ABCB10: variants seen among roughly 807,000 people sequenced by gnomAD.
ABCB10 encodes the protein ATP-binding cassette sub-family B member 10, mitochondrial.
Under a neutral mutation model 65.4 loss-of-function variants are expected in ABCB10, and 54 were observed. That is an observed-to-expected ratio of 0.83 (90% CI 0.66 to 1.04). ABCB10 has a LOEUF of 1.04. Among genes scored for constraint, ABCB10 ranks in the 50% least tolerant of loss-of-function variants. The pLI, the probability that ABCB10 is intolerant of heterozygous loss-of-function variation, is 0.00. For missense variants in ABCB10, 846 were observed against 976.6 expected (o/e 0.87, Z 1.78); for synonymous variants, 418 against 406.5 (o/e 1.03, Z -0.34).
At chr1:229,543,847 G>A (rs1016223571) in intron 3 of ABCB10, among the ~76,000 whole-genome samples, 1 of 152,152 alleles carries the variant, frequency 6.6e-6, no homozygotes, top group African/African-American at 2.4e-5. Flanking sequence ...CAGGACACCT[G>A]GGGTGAGTCT....
Position 229,547,681 on chromosome 1 carries a change from G to C in ABCB10, c.739C>G (p.Leu247Val). 6.2e-7 allele frequency: 1 copy of C among 1,614,172 alleles called. No homozygotes were observed. Among genetic ancestry groups the C allele is most frequent in the Non-Finnish European group, 8.5e-7 (1 of 1,180,022 alleles). Residue 247 changes from leucine to valine, a missense_variant, in exon 3 of 13, where the codon CTG becomes GTG. This residue lies in a region of ABCB10 where 632 missense variants were observed against 803.2 expected (regional missense o/e 0.79). Transcript: ENST00000344517. ...ATGGAGGAGAATAATGAAGTTCTCA[G>C]CCTATTCACAATGCGCTGACCTGCA... ...QTSGQRIVNR[L>V]RTSLFSSILR...
intron 1 of ABCB10, among the ~76,000 whole-genome samples, chr1:229,551,345 T>C (rs775024002): frequency 2.0e-5 from 3 of 152,196 alleles, no homozygotes; most frequent in Non-Finnish European, 4.4e-5. Context: ...CTCCTACCTT[T>C]CAGCATTCTA....
chr1:229,544,379 TG>T (rs1297317187), intron 3 of ABCB10, among the ~76,000 whole-genome samples: 2 of 128,294 alleles, frequency 1.6e-5, no homozygotes, highest in African/African-American at 6.1e-5. Flanking sequence ...ATGACACCAC[TG>T]CACTACAGCC....
intron 4 of ABCB10, among the ~76,000 whole-genome samples, chr1:229,541,362 G>A (rs775798279): frequency 1.3e-5 from 2 of 152,194 alleles, no homozygotes; most frequent in Non-Finnish European, 2.9e-5. Flanking sequence ...AAGTAGCTGG[G>A]ATTACAGGCA....
At chr1:229,551,148 C>T (rs1181166756) in intron 1 of ABCB10, among the ~76,000 whole-genome samples, 2 of 152,132 alleles carry the variant, frequency 1.3e-5, no homozygotes, top group African/African-American at 2.4e-5. Context: ...GACATTTAGT[C>T]GACAAACAGA....
chr1:229,525,897 G>T (rs372082965), intron 10 of ABCB10, 39 bp downstream of exon 10: 1 of 1,569,654 alleles, frequency 6.4e-7, no homozygotes, highest in Non-Finnish European at 8.6e-7. Context: ...AAGTTCTTTG[G>T]ATATAGAGAC....
chr1:229,533,150 ATTTTT>A (rs902240097), intron 6 of ABCB10, among the ~76,000 whole-genome samples: 1 of 150,466 alleles, frequency 6.6e-6, no homozygotes, highest in Non-Finnish European at 1.5e-5. Context: ...CATTATTATT[ATTTTT>A]TTTTGAGACG....
intron 10 of ABCB10, among the ~76,000 whole-genome samples, chr1:229,523,892 A>G (rs1662372762): frequency 6.6e-6 from 1 of 152,148 alleles, no homozygotes; most frequent in South Asian, 2.1e-4. Flanking sequence ...TCAGAGATGG[A>G]GTAGCAGTTC....
In ABCB10 at chr1:229,537,794, T is replaced by TAAAC. The variant is rs1338625044; in HGVS notation, c.1339+1661_1339+1662insGTTT. Among the ~76,000 whole-genome samples the TAAAC allele has an allele frequency of 7.3e-5, 11 of 150,056 alleles. No individual in the cohort carries two copies. In the East Asian group the frequency reaches 1.4e-3, roughly 18 times the overall value. On this transcript the variant is annotated intron_variant, in intron 6 of 12. Transcript: ENST00000344517. ...GACAGAGCAAGACTCCATCTCCAAA[T>TAAAC]AAATAAACAAACAAACAAACAAACA...
At position 229,524,163 on chromosome 1, in the gene ABCB10, G is replaced by GT. The variant is rs111746133; in HGVS notation, c.1906+1772dup. Among the ~76,000 whole-genome samples, 714 of 144,658 alleles carry GT rather than the reference G, an allele frequency of 4.9e-3. 9 individuals carry two copies. Among genetic ancestry groups the GT allele is most frequent in the African/African-American group, 0.013 (526 of 39,648 alleles). The allele number at this position is 144,658 out of a possible 152,430, so 94.9% of individuals were successfully genotyped here. ...CTGCTCAAACAGAGACAAGTTTTTT[G>GT]TTTTTTTTTTTAAGACAGAGGCTCA... On this transcript the variant is annotated intron_variant, in intron 10 of 12. Transcript: ENST00000344517.
At chr1:229,524,189 C>T (rs77499943) in intron 10 of ABCB10, among the ~76,000 whole-genome samples, 3,948 of 151,830 alleles carry the variant, frequency 0.026, 178 homozygotes, top group African/African-American at 0.09. Flanking sequence ...CAGAGGCTCA[C>T]TCACTCTGTC....
At chr1:229,549,527 GTCA>G in intron 1 of ABCB10, 93 bp from the exon 2 acceptor site, 1 of 1,204,344 alleles carries the variant, frequency 8.3e-7, no homozygotes, top group Non-Finnish European at 1.2e-6. Context: ...ATAAGCTGTT[GTCA>G]GAGTATGCGT....
chr1:229,549,573 G>A, intron 1 of ABCB10, 139 bp from the exon 2 acceptor site: 1 of 820,214 alleles, frequency 1.2e-6, no homozygotes, highest in South Asian at 1.8e-5. Context: ...CCTCCCTTTT[G>A]CTCCTCGATC....
chr1:229,532,958 T>A (rs1662619324), intron 6 of ABCB10, among the ~76,000 whole-genome samples: 1 of 152,156 alleles, frequency 6.6e-6, no homozygotes, highest in African/African-American at 2.4e-5. Flanking sequence ...ATGTTAAACA[T>A]TCCAGCAATC....
At chr1:229,557,413 T>C (rs1291498584) in intron 1 of ABCB10, among the ~76,000 whole-genome samples, 6 of 152,216 alleles carry the variant, frequency 3.9e-5, no homozygotes, top group Non-Finnish European at 2.9e-5. Flanking sequence ...CAGATGTTTA[T>C]AGAAGGAGTG....
intron 3 of ABCB10, among the ~76,000 whole-genome samples, chr1:229,543,703 A>C (rs942445295): frequency 7.9e-5 from 12 of 152,218 alleles, no homozygotes; most frequent in African/African-American, 2.9e-4. Flanking sequence ...GATGTAACAC[A>C]ATCTTGGAAG....
intron 10 of ABCB10, among the ~76,000 whole-genome samples, chr1:229,523,309 G>T (rs1222818950): frequency 6.6e-6 from 1 of 152,148 alleles, no homozygotes; most frequent in Non-Finnish European, 1.5e-5. Flanking sequence ...GTCTCAGAGT[G>T]CTCACTCCTC....
At chr1:229,543,324 GAAGT>G (rs1055312879) in intron 3 of ABCB10, among the ~76,000 whole-genome samples, 1 of 152,272 alleles carries the variant, frequency 6.6e-6, no homozygotes, top group Non-Finnish European at 1.5e-5. Context: ...CTAACTTCTG[GAAGT>G]AAGTAACAGA....
intron 1 of ABCB10, among the ~76,000 whole-genome samples, chr1:229,553,434 C>T (rs1438518888): frequency 6.6e-6 from 1 of 152,134 alleles, no homozygotes; most frequent in Non-Finnish European, 1.5e-5. Flanking sequence ...AAATGATCCA[C>T]TCTGGCTACA....
Sources: allele counts gnomAD v4.1 joint callset (sites outside exome capture counted in the v4.1 genomes callset), GRCh38; gene constraint gnomAD v4.1.1; regional missense constraint gnomAD v4.1.1; transcripts MANE v1.5; gene names NCBI Gene and HGNC (gene_info 2026-07-23, HGNC 2026-07-21).